The following RBFOX1 variants were observed in gnomAD, a reference collection of about 807,000 sequenced individuals.
RBFOX1 encodes the protein RNA binding protein fox-1 homolog 1.
In RBFOX1, 8 loss-of-function variants were observed where a neutral mutation model predicts 57.7. That is an observed-to-expected ratio of 0.14 (90% CI 0.08 to 0.25). RBFOX1 has a LOEUF of 0.25. RBFOX1 is among the 10% of genes least tolerant of loss of function. The pLI is 1.00. For missense variants in RBFOX1, 611 were observed against 548.5 expected (o/e 1.11, Z -1.14); for synonymous variants, 326 against 222.4 (o/e 1.47, Z -4.15).
intron 2 of RBFOX1, among the ~76,000 whole-genome samples, chr16:6,352,179 A>C (rs1213416109): frequency 2.0e-5 from 3 of 152,136 alleles, no homozygotes; most frequent in Admixed American, 2.0e-4. Context: ...TCCCAGCCCT[A>C]TATTCTCTGC....
Position 6,932,345 on chromosome 16 carries a change from G to A in RBFOX1, c.-15-119712G>A, listed in dbSNP as rs1230307955. Among the ~76,000 whole-genome samples the A allele has an allele frequency of 2.6e-5, 4 of 152,140 alleles. No homozygotes were observed. In the South Asian group the frequency reaches 8.3e-4, roughly 32 times the overall value. On this transcript the variant is annotated intron_variant, in intron 3 of 15. Coordinates refer to ENST00000550418, the MANE Select transcript of RBFOX1 (RefSeq NM_018723.4). Reference sequence around the variant, plus strand: ...TGGTCTCAAACTCCTGACCTCAGGTGATCCACCTGCCTCAGGCTCCCTAAG... The same window carrying A: ...TGGTCTCAAACTCCTGACCTCAGGTAATCCACCTGCCTCAGGCTCCCTAAG...
chr16:6,085,139 C>A (rs753856676), intron 1 of RBFOX1, among the ~76,000 whole-genome samples: 1 of 152,156 alleles, frequency 6.6e-6, no homozygotes, highest in Non-Finnish European at 1.5e-5. Flanking sequence ...ATTTCTGCTA[C>A]TGTGCATGTT....
intron 3 of RBFOX1, among the ~76,000 whole-genome samples, chr16:6,688,004 C>G (rs1461071854): frequency 6.6e-6 from 1 of 152,218 alleles, no homozygotes; most frequent in African/African-American, 2.4e-5. Context: ...TCTTCTATGC[C>G]AAGCACTGTG....
At chr16:6,679,238 T>C (rs1036349635) in intron 3 of RBFOX1, among the ~76,000 whole-genome samples, 6 of 152,178 alleles carry the variant, frequency 3.9e-5, no homozygotes, top group Non-Finnish European at 7.4e-5. Flanking sequence ...TGAAATCGCG[T>C]TTTAAAGTTT....
At chr16:6,784,942 G>C (rs144159224) in intron 3 of RBFOX1, among the ~76,000 whole-genome samples, 1 of 152,102 alleles carries the variant, frequency 6.6e-6, no homozygotes, top group Non-Finnish European at 1.5e-5. Flanking sequence ...AGCACAAGCA[G>C]TGTTTCTTAA....
intron 3 of RBFOX1, among the ~76,000 whole-genome samples, chr16:6,768,562 A>G (rs1423744085): frequency 6.6e-6 from 1 of 151,898 alleles, no homozygotes; most frequent in Non-Finnish European, 1.5e-5. Context: ...GATAGTGGGT[A>G]TGTATGAGAG....
chr16:5,573,312 A>T (rs7200301), intron 2 of RBFOX1, among the ~76,000 whole-genome samples: 3 of 151,998 alleles, frequency 2.0e-5, no homozygotes, highest in African/African-American at 7.2e-5. Flanking sequence ...TGAAGGCCAC[A>T]AAGGTGGTTC....
chr16:5,902,435 A>G (rs2058326196), intron 4 of RBFOX1, among the ~76,000 whole-genome samples: 1 of 151,884 alleles, frequency 6.6e-6, no homozygotes, highest in Non-Finnish European at 1.5e-5. Context: ...TATTTTTGAG[A>G]TGGAGTCTTG....
intron 2 of RBFOX1, among the ~76,000 whole-genome samples, chr16:6,412,984 T>C (rs1368354574): frequency 6.6e-6 from 1 of 152,208 alleles, no homozygotes; most frequent in Non-Finnish European, 1.5e-5. Context: ...GATACTTTAA[T>C]ATTATTGAGA....
chr16:7,121,680 G>A (rs528975504), intron 4 of RBFOX1, among the ~76,000 whole-genome samples: 2 of 151,858 alleles, frequency 1.3e-5, no homozygotes, highest in Non-Finnish European at 2.9e-5. Context: ...AGGTATTTTT[G>A]TAGCTATAAA....
intron 4 of RBFOX1, among the ~76,000 whole-genome samples, chr16:7,492,740 G>A (rs1284098287): frequency 6.6e-6 from 1 of 152,036 alleles, no homozygotes; most frequent in Non-Finnish European, 1.5e-5. Flanking sequence ...AAAGCTGACT[G>A]TTTAAAAGCG....
intron 1 of RBFOX1, among the ~76,000 whole-genome samples, chr16:6,108,832 C>A (rs2096412014): frequency 6.6e-6 from 1 of 152,154 alleles, no homozygotes; most frequent in Non-Finnish European, 1.5e-5. Flanking sequence ...TTTTCCTCTT[C>A]TGTACACGTC....
At chr16:6,651,063 C>T (rs1268323306) in intron 2 of RBFOX1, among the ~76,000 whole-genome samples, 2 of 152,174 alleles carry the variant, frequency 1.3e-5, no homozygotes, top group African/African-American at 2.4e-5. Context: ...CCAACAAGCC[C>T]AGCTAATTCT....
At chr16:7,419,211 C>A (rs57798169) in intron 4 of RBFOX1, among the ~76,000 whole-genome samples, 1 of 152,026 alleles carries the variant, frequency 6.6e-6, no homozygotes, top group Non-Finnish European at 1.5e-5. Flanking sequence ...CCGTCCCCCA[C>A]CCCCAGCCAA....
chr16:5,485,934 C>G (rs1247453722), intron 2 of RBFOX1, among the ~76,000 whole-genome samples: 1 of 152,160 alleles, frequency 6.6e-6, no homozygotes, highest in Admixed American at 6.5e-5. Flanking sequence ...AGATGATAAT[C>G]GTTCCCACAT....
intron 3 of RBFOX1, among the ~76,000 whole-genome samples, chr16:6,796,776 C>T (rs1400724238): frequency 6.6e-6 from 1 of 152,174 alleles, no homozygotes; most frequent in Non-Finnish European, 1.5e-5. Context: ...CATCTGCCTT[C>T]CAACTTCTTC....
chr16:7,318,028 A>G (rs2096477300), intron 4 of RBFOX1, among the ~76,000 whole-genome samples: 1 of 151,244 alleles, frequency 6.6e-6, no homozygotes, highest in South Asian at 2.1e-4. Context: ...GATGGTGATG[A>G]TGTGAAAATG....
At chr16:6,853,874 A>G (rs1044639507) in intron 3 of RBFOX1, among the ~76,000 whole-genome samples, 1 of 152,196 alleles carries the variant, frequency 6.6e-6, no homozygotes, top group African/African-American at 2.4e-5. Context: ...AATGGTTAAT[A>G]TAGCCAGGGC....
intron 3 of RBFOX1, among the ~76,000 whole-genome samples, chr16:6,678,683 T>C (rs1412952460): frequency 2.0e-5 from 3 of 151,806 alleles, no homozygotes; most frequent in Middle Eastern, 3.2e-3. Context: ...ACAGAACAAA[T>C]GTAGGGAATC....
Sources: gnomAD v4.1 joint callset for allele counts (sites outside exome capture counted in the v4.1 genomes callset) on GRCh38, gnomAD v4.1.1 for gene constraint, MANE v1.5 for transcripts, NCBI Gene and HGNC (gene_info 2026-07-23, HGNC 2026-07-21) for gene names.